Variants in FBXL13 observed in about 807,000 individuals in gnomAD.
FBXL13 encodes F-box and leucine rich repeat protein 13.
Under a neutral mutation model 83.6 loss-of-function variants are expected in FBXL13, and 67 were observed. That is an observed-to-expected ratio of 0.80 (90% CI 0.66 to 0.98). The LOEUF is 0.98. Among genes scored for constraint, FBXL13 ranks in the 50% least tolerant of loss-of-function variants. The pLI is 0.00. For missense variants in FBXL13, 822 were observed against 866.5 expected, an observed-to-expected ratio of 0.95 and a Z score of 0.64; for synonymous variants, 272 against 299.5, an observed-to-expected ratio of 0.91 and a Z score of 0.95.
intron 10 of FBXL13, among the ~76,000 whole-genome samples, chr7:102,924,238 CAAAAAAA>C (rs564121170): frequency 1.1e-4 from 6 of 54,412 alleles, no homozygotes; most frequent in African/African-American, 4.1e-4. Context: ...AACTCCGTCT[CAAAAAAA>C]AAAAAAAAAA....
intron 6 of FBXL13, among the ~76,000 whole-genome samples, chr7:102,986,698 T>C (rs1828994021): frequency 6.6e-6 from 1 of 152,114 alleles, no homozygotes; most frequent in African/African-American, 2.4e-5. Flanking sequence ...ACTGGTTAAA[T>C]GGGTGGGGAC....
intron 19 of FBXL13, among the ~76,000 whole-genome samples, chr7:102,819,672 T>C (rs941456440): frequency 2.6e-5 from 4 of 152,192 alleles, no homozygotes; most frequent in Admixed American, 6.5e-5. Flanking sequence ...TTCAAAGACA[T>C]TGAGCTTCTT....
chr7:102,820,474 C>T (rs996842857), intron 19 of FBXL13, among the ~76,000 whole-genome samples: 11 of 152,056 alleles, frequency 7.2e-5, no homozygotes, highest in Non-Finnish European at 1.0e-4. Flanking sequence ...TTTTTTTGCA[C>T]GTATATTTTT....
chr7:103,031,659 A>T (rs1239431233), intron 2 of FBXL13, among the ~76,000 whole-genome samples: 1 of 152,206 alleles, frequency 6.6e-6, no homozygotes, highest in Non-Finnish European at 1.5e-5. Context: ...TCACAATACG[A>T]TTTCTAAGAG....
chr7:102,832,789 C>A (rs768783981), intron 18 of FBXL13, 51 bp downstream of exon 19: 1 of 1,609,494 alleles, frequency 6.2e-7, no homozygotes, highest in Non-Finnish European at 8.5e-7. Context: ...CTGCCTTGTC[C>A]CTTGGCAGTG....
intron 11 of FBXL13, among the ~76,000 whole-genome samples, chr7:102,910,512 T>C (rs1056437408): frequency 5.9e-5 from 9 of 152,136 alleles, no homozygotes; most frequent in Admixed American, 1.3e-4. Flanking sequence ...ATCTCTGTTT[T>C]CCAGTTTGTC....
chr7:102,991,954 A>T (rs1171527033), intron 6 of FBXL13, among the ~76,000 whole-genome samples: 4 of 152,076 alleles, frequency 2.6e-5, no homozygotes, highest in Non-Finnish European at 5.9e-5. Context: ...CCCAGTCTCA[A>T]TGCTGCCCTA....
chr7:103,057,031 A>C (rs529708927), intron 1 of FBXL13, among the ~76,000 whole-genome samples: 2 of 152,014 alleles, frequency 1.3e-5, no homozygotes, highest in South Asian at 4.1e-4. Flanking sequence ...AATTTGTTTG[A>C]GTTCTTTATA....
chr7:103,010,852 C>T (rs1040009190), intron 6 of FBXL13, among the ~76,000 whole-genome samples: 3 of 152,164 alleles, frequency 2.0e-5, no homozygotes, highest in Non-Finnish European at 4.4e-5. Context: ...CCAACTGCAG[C>T]CCCTGCCTGA....
At chr7:102,897,044 G>A (rs1318694751) in intron 11 of FBXL13, among the ~76,000 whole-genome samples, 1 of 151,684 alleles carries the variant, frequency 6.6e-6, no homozygotes. Flanking sequence ...TCTAAATTTT[G>A]AGAGAAATGT....
chr7:102,932,017 T>TAAG, intron 8 of FBXL13, 84 bp from the exon 10 acceptor site: 9 of 1,260,998 alleles, frequency 7.1e-6, no homozygotes, highest in Non-Finnish European at 9.0e-6. Context: ...GAATGCAATG[T>TAAG]ATTCATTAGA....
At chr7:103,026,756 T>C (rs1793962774) in intron 5 of FBXL13, among the ~76,000 whole-genome samples, 1 of 152,202 alleles carries the variant, frequency 6.6e-6, no homozygotes, top group African/African-American at 2.4e-5. Context: ...AGTAGAGGCA[T>C]TGATCCATGG....
Position 102,867,668 on chromosome 7 carries a change from CATATATATAT to C in FBXL13, c.1635+9789_1635+9798del, listed in dbSNP as rs200661242. On this transcript the variant is annotated intron_variant, in intron 16 of 19. Coordinates refer to ENST00000313221, the Ensembl canonical transcript of FBXL13. Reference sequence around the variant, plus strand: ...TGAGCCAGGGAGTGATAGACTTAGACATATATATATATATATATATATATATATTTTTTTT... The same window carrying C: ...TGAGCCAGGGAGTGATAGACTTAGACATATATATATATATATATTTTTTTT... Among the ~76,000 whole-genome samples, 100 of 72,644 alleles carry C rather than the reference CATATATATAT, an allele frequency of 1.4e-3. 3 individuals carry two copies. The highest frequency in any genetic ancestry group is 6.1e-3 in the African/African-American group (67 of 11,042). The allele number at this position is 72,644 out of a possible 152,430, so 47.7% of individuals were successfully genotyped here.
chr7:102,834,380 TTA>T (rs138627096), intron 17 of FBXL13, among the ~76,000 whole-genome samples: 1,473 of 145,292 alleles, frequency 0.01, 22 homozygotes, highest in African/African-American at 0.034. Context: ...TATATATAAA[TTA>T]TATATATATA....
intron 1 of FBXL13, among the ~76,000 whole-genome samples, chr7:103,060,195 G>T (rs183226960): frequency 6.6e-6 from 1 of 150,816 alleles, no homozygotes; most frequent in South Asian, 2.1e-4. Flanking sequence ...AAGGAGCTAG[G>T]ACTACAGGCA....
intron 6 of FBXL13, among the ~76,000 whole-genome samples, chr7:103,006,116 T>G (rs1790960747): frequency 6.6e-6 from 1 of 152,216 alleles, no homozygotes; most frequent in African/African-American, 2.4e-5. Context: ...CCAGGTTTAC[T>G]ACTTGGGGGC....
chr7:103,018,416 C>G (rs1287707137), intron 6 of FBXL13, among the ~76,000 whole-genome samples: 1 of 152,192 alleles, frequency 6.6e-6, no homozygotes, highest in Admixed American at 6.5e-5. Flanking sequence ...ACTGCATCAA[C>G]TAATGAGCAA....
At chr7:103,035,420 T>C (rs1289601496) in intron 2 of FBXL13, among the ~76,000 whole-genome samples, 8 of 152,232 alleles carry the variant, frequency 5.3e-5, no homozygotes, top group Non-Finnish European at 1.0e-4. Flanking sequence ...AACACTGCTC[T>C]ACTAATATCC....
intron 16 of FBXL13, among the ~76,000 whole-genome samples, chr7:102,873,582 A>G (rs886957734): frequency 1.3e-5 from 2 of 152,214 alleles, no homozygotes; most frequent in African/African-American, 4.8e-5. Context: ...TGTCTAGCAG[A>G]TAGAAGTGAG....
Sources: allele counts gnomAD v4.1 joint callset (sites outside exome capture counted in the v4.1 genomes callset), GRCh38; gene constraint gnomAD v4.1.1; transcripts MANE v1.5; gene names NCBI Gene and HGNC (gene_info 2026-07-23, HGNC 2026-07-21).